The following CEP57L1 variants were observed in gnomAD, a reference collection of about 807,000 sequenced individuals.
CEP57L1 encodes the protein centrosomal protein 57 like 1, also known as centrosomal protein CEP57L1.
CEP57L1 carries 37 observed loss-of-function variants against 61.0 expected under a neutral mutation model. The observed-to-expected ratio is 0.61, with a 90% CI of 0.47 to 0.80. The LOEUF (loss-of-function observed/expected upper bound fraction) is 0.80. Among genes scored for constraint, CEP57L1 ranks in the 30% least tolerant of loss-of-function variants. CEP57L1 has a pLI of 0.00. For missense variants in CEP57L1, 422 were observed against 524.7 expected (o/e 0.80, Z 1.91); for synonymous variants, 137 against 162.3 (o/e 0.84, Z 1.19).
rs1239331192 is a variant in CEP57L1 at position 109,168,806 on chromosome 6, G to A, written c.*5836G>A. 6.6e-6 allele frequency among the ~76,000 whole-genome samples: 1 copy of A among 151,230 alleles called. No homozygotes were observed. The highest frequency in any genetic ancestry group is 2.4e-5 in the African/African-American group (1 of 41,314). On this transcript the variant is annotated 3_prime_UTR_variant, in exon 11 of 11. Coordinates refer to ENST00000517392, the MANE Select transcript of CEP57L1 (RefSeq NM_001271852.3). ...AGATGGGGTTTCACTGTATTGCCCA[G>A]GCTGGTCACGAACTCCTGAGCTCAG...
chr6:109,153,652 C>A (rs780779771), intron 4 of CEP57L1, among the ~76,000 whole-genome samples, 181 bp from the exon 5 acceptor site: 1 of 151,076 alleles, frequency 6.6e-6, no homozygotes, highest in Non-Finnish European at 1.5e-5. Context: ...AAATAAATAA[C>A]AAAAAGTATT....
At chr6:109,126,996 T>C (rs1360059751) in intron 1 of CEP57L1, among the ~76,000 whole-genome samples, 4 of 151,940 alleles carry the variant, frequency 2.6e-5, no homozygotes, top group African/African-American at 9.7e-5. Context: ...TGAAACCCCG[T>C]CTCTACTAAA....
intron 1 of CEP57L1, among the ~76,000 whole-genome samples, chr6:109,105,135 G>A (rs1052994625): frequency 6.6e-6 from 1 of 151,744 alleles, no homozygotes; most frequent in Non-Finnish European, 1.5e-5. Context: ...TGTTATATAT[G>A]TTTCTTTTTT....
intron 1 of CEP57L1, among the ~76,000 whole-genome samples, chr6:109,135,074 A>T (rs1385225250): frequency 2.0e-5 from 3 of 152,104 alleles, no homozygotes; most frequent in Admixed American, 6.5e-5. Context: ...TTTAAAGTTC[A>T]TATGGAACCA....
At chr6:109,160,461 A>G (rs577641979) in intron 9 of CEP57L1, 111 bp from the exon 10 acceptor site, 144 of 781,978 alleles carry the variant, frequency 1.8e-4, no homozygotes, top group Non-Finnish European at 2.5e-4. Context: ...TTTAAAGGTT[A>G]ATATTTAACT....
At chr6:109,155,205 A>C (rs746016857) in intron 5 of CEP57L1, 25 bp from the exon 6 acceptor site, 1 of 1,404,842 alleles carries the variant, frequency 7.1e-7, no homozygotes, top group South Asian at 1.3e-5. Flanking sequence ...TTTATGTAAC[A>C]ATCTTAGTTT....
Position 109,159,394 on chromosome 6 carries a change from C to T in CEP57L1, c.948C>T (p.Ser316=), listed in dbSNP as rs779451274. 1.9e-6 allele frequency: 3 copies of T among 1,613,888 alleles called. No individual in the cohort carries two copies. Among genetic ancestry groups the T allele is most frequent in the Non-Finnish European group, 2.5e-6 (3 of 1,179,864 alleles). Residue 316 remains serine, a synonymous_variant, in exon 9 of 11, where the codon TCC becomes TCT. Coordinates refer to ENST00000517392, the MANE Select transcript of CEP57L1 (RefSeq NM_001271852.3). Reference sequence around the variant, plus strand: ...CTATTCCTCCTGACTCAGAAAAGTCCATTTCCATTTGTGACAATTTATCTG... The same window carrying T: ...CTATTCCTCCTGACTCAGAAAAGTCTATTTCCATTTGTGACAATTTATCTG... The part of the protein sequence containing the change: ...CKAIPPDSEK[S]ISICDNLSEL...
chr6:109,145,064 C>T (rs187497163), intron 1 of CEP57L1, among the ~76,000 whole-genome samples, 155 bp from the exon 2 acceptor site: 7 of 152,032 alleles, frequency 4.6e-5, no homozygotes, highest in Admixed American at 4.6e-4. Context: ...CTTTTATTGC[C>T]AAGCCTATTA....
chr6:109,116,631 A>G (rs942918946), intron 1 of CEP57L1, among the ~76,000 whole-genome samples: 13 of 152,202 alleles, frequency 8.5e-5, no homozygotes, highest in African/African-American at 3.1e-4. Context: ...CTTTGTCTAA[A>G]GTATAGTATT....
At chr6:109,115,701 G>A (rs985960001) in intron 1 of CEP57L1, among the ~76,000 whole-genome samples, 1 of 152,054 alleles carries the variant, frequency 6.6e-6, no homozygotes, top group African/African-American at 2.4e-5. Flanking sequence ...GTTAGAGTCC[G>A]GAGACCTGGG....
intron 1 of CEP57L1, chr6:109,130,877 C>G (rs1774111242): frequency 6.6e-6 from 1 of 152,002 alleles, no homozygotes; most frequent in Non-Finnish European, 1.5e-5. Context: ...TGTTGTTTGT[C>G]TTTCTACTAT....
At chr6:109,112,445 ATC>A (rs1771770676) in intron 1 of CEP57L1, among the ~76,000 whole-genome samples, 1 of 151,574 alleles carries the variant, frequency 6.6e-6, no homozygotes, top group East Asian at 1.9e-4. Flanking sequence ...TATTTTGTTG[ATC>A]TTTTCAAAAA....
rs774406261 is a variant in CEP57L1 at position 109,153,901 on chromosome 6, C to T, written c.531C>T (p.Val177=). The change falls in exon 5 of 11, where the codon GTC becomes GTT. Residue 177 remains valine, a synonymous_variant. Transcript: ENST00000517392. ...ATGCAAAACTTGAAAAGCTTGATGT[C>T]TTAGAAAAAGAGTGTTTCAGACTTA... is the stretch of plus-strand genomic sequence containing the variant. ...KLYAKLEKLD[V]LEKECFRLTT... is the part of the protein sequence containing the mutation. 6.2e-7 allele frequency: 1 copy of T among 1,611,704 alleles called. No individual in the cohort carries two copies. The highest frequency in any genetic ancestry group is 1.1e-5 in the South Asian group (1 of 90,760).
chr6:109,141,797 G>A (rs1771414664), intron 1 of CEP57L1, among the ~76,000 whole-genome samples: 1 of 152,018 alleles, frequency 6.6e-6, no homozygotes, highest in Non-Finnish European at 1.5e-5. Context: ...TACTGTGTTT[G>A]CTCTTAAGGT....
At chr6:109,148,398 T>G (rs1284876297) in intron 3 of CEP57L1, among the ~76,000 whole-genome samples, 2 of 152,184 alleles carry the variant, frequency 1.3e-5, no homozygotes, top group Admixed American at 1.3e-4. Context: ...GATAGTTTAC[T>G]GAGAATGATG....
rs1562160368 is a variant in CEP57L1, at chr6:109,165,459, G to A, written c.*2489G>A. 6.6e-6 allele frequency among the ~76,000 whole-genome samples: 1 copy of A among 151,546 alleles called. No individual in the cohort carries two copies. The highest frequency in any genetic ancestry group is 1.5e-5 in the Non-Finnish European group (1 of 67,930). Reference sequence around the variant, plus strand: ...AGAACACATGTTTGCATGGGTTGAAGCCTAAAAGCAAACACCTAAATATAT... The same window carrying A: ...AGAACACATGTTTGCATGGGTTGAAACCTAAAAGCAAACACCTAAATATAT... On this transcript the variant is annotated 3_prime_UTR_variant, in exon 11 of 11. Transcript: ENST00000517392.
At position 109,170,299 on chromosome 6, in the gene CEP57L1, C is replaced by T. The variant is rs1443812935; in HGVS notation, c.*7329C>T. On this transcript the variant is annotated 3_prime_UTR_variant, in exon 11 of 11. Transcript: ENST00000517392. Reference sequence around the variant, plus strand: ...TGTAAAGTGAGCCAGACCTTCCAATCAGCTAAAATAATGTAAAATAATGTA... The same window carrying T: ...TGTAAAGTGAGCCAGACCTTCCAATTAGCTAAAATAATGTAAAATAATGTA... Among the ~76,000 whole-genome samples the T allele has an allele frequency of 1.3e-5, 2 of 152,118 alleles. No homozygotes were observed. Among genetic ancestry groups the T allele is most frequent in the Non-Finnish European group, 2.9e-5 (2 of 68,002 alleles).
At chr6:109,112,065 T>C (rs996779968) in intron 1 of CEP57L1, among the ~76,000 whole-genome samples, 2 of 152,232 alleles carry the variant, frequency 1.3e-5, no homozygotes, top group African/African-American at 4.8e-5. Context: ...AGTCCCTCTT[T>C]TTCTATTGTT....
intron 1 of CEP57L1, among the ~76,000 whole-genome samples, chr6:109,137,634 A>C (rs1437403559): frequency 1.3e-5 from 2 of 152,172 alleles, no homozygotes; most frequent in Non-Finnish European, 2.9e-5. Context: ...ATAATTTTAC[A>C]GTATATGATT....
Sources: allele counts gnomAD v4.1 joint callset (sites outside exome capture counted in the v4.1 genomes callset), GRCh38; gene constraint gnomAD v4.1.1; transcripts MANE v1.5; gene names NCBI Gene and HGNC (gene_info 2026-07-23, HGNC 2026-07-21).